The following PRKCA variants were observed in gnomAD, a reference collection of about 807,000 sequenced individuals.
PRKCA encodes protein kinase C alpha type.
In PRKCA, 27 loss-of-function variants were observed where a neutral mutation model predicts 87.0. The ratio of observed to expected loss-of-function variants is 0.31; its 90% CI spans 0.23 to 0.43. The LOEUF is 0.43. Ranked by LOEUF, PRKCA falls within the 20% of genes least tolerant of loss-of-function variation. PRKCA has a pLI of 1.00. For missense variants in PRKCA, 518 were observed against 852.3 expected (o/e 0.61, Z 4.88); for synonymous variants, 329 against 311.1 (o/e 1.06, Z -0.61).
chr17:66,451,343 A>AATTTATTC (rs1555605913), intron 2 of PRKCA, among the ~76,000 whole-genome samples: 1 of 144,872 alleles, frequency 6.9e-6, no homozygotes, highest in East Asian at 2.0e-4. Context: ...ACGGAGTTAG[A>AATTTATTC]ATTTATTTAT....
intron 2 of PRKCA, among the ~76,000 whole-genome samples, chr17:66,339,522 TC>T (rs1906909601): frequency 6.6e-6 from 1 of 152,220 alleles, no homozygotes; most frequent in Admixed American, 6.5e-5. Flanking sequence ...CCTACAGTTT[TC>T]CTAGAGTTAT....
intron 8 of PRKCA, among the ~76,000 whole-genome samples, chr17:66,729,368 C>CA (rs2144190002): frequency 6.6e-6 from 1 of 152,290 alleles, no homozygotes; most frequent in South Asian, 2.1e-4. Flanking sequence ...CGCACCACTG[C>CA]ACTCCAGCCT....
intron 13 of PRKCA, among the ~76,000 whole-genome samples, chr17:66,752,054 C>G (rs1281057107): frequency 6.6e-6 from 1 of 152,212 alleles, no homozygotes; most frequent in Non-Finnish European, 1.5e-5. Context: ...GGTAGGGACA[C>G]AGATCCAAAC....
intron 2 of PRKCA, among the ~76,000 whole-genome samples, chr17:66,457,461 G>A (rs1914621833): frequency 6.6e-6 from 1 of 152,116 alleles, no homozygotes; most frequent in African/African-American, 2.4e-5. Flanking sequence ...GATGTGAGAT[G>A]CATATAGAAC....
chr17:66,728,380 C>G (rs968011922), intron 8 of PRKCA, among the ~76,000 whole-genome samples: 16 of 152,322 alleles, frequency 1.1e-4, no homozygotes, highest in South Asian at 1.0e-3. Flanking sequence ...CTACCAGCCT[C>G]CAGAAACTCA....
chr17:66,636,369 A>T (rs928791350), intron 3 of PRKCA, among the ~76,000 whole-genome samples: 8 of 152,238 alleles, frequency 5.3e-5, no homozygotes, highest in Non-Finnish European at 1.0e-4. Flanking sequence ...TATAATTGAG[A>T]CAGTGCAAGA....
At position 66,803,528 on chromosome 17, in the gene PRKCA, T is replaced by G. The variant is rs1975949618; in HGVS notation, c.1855-345T>G. Among the ~76,000 whole-genome samples, 1 of 152,220 alleles carries G rather than the reference T, an allele frequency of 6.6e-6. No individual in the cohort carries two copies. The highest frequency in any genetic ancestry group is 1.5e-5 in the Non-Finnish European group (1 of 68,024). ...TGGCCTTTCAACACGGAGCTGTGAC[T>G]GACGGCCCTGCGTGCGTGGCTTCCG... On this transcript the variant is annotated intron_variant, in intron 16 of 16. Transcript: ENST00000413366. The surrounding 1 kb of genome is among the most constrained non-coding windows in gnomAD (Gnocchi z 4.4).
intron 2 of PRKCA, among the ~76,000 whole-genome samples, chr17:66,392,575 T>C (rs1372194117): frequency 6.6e-6 from 1 of 152,162 alleles, no homozygotes; most frequent in Non-Finnish European, 1.5e-5. Flanking sequence ...AAAAGTGCCT[T>C]TAATTTTGCT....
chr17:66,741,594 G>T, intron 11 of PRKCA, 65 bp from the exon 12 acceptor site: 1 of 1,528,892 alleles, frequency 6.5e-7, no homozygotes, highest in Non-Finnish European at 9.0e-7. Flanking sequence ...TTGAATTTGA[G>T]AATGTAAAGT....
At chr17:66,791,482 G>A (rs4791039) in intron 16 of PRKCA, among the ~76,000 whole-genome samples, 19,648 of 152,136 alleles carry the variant, frequency 0.13, 2,322 homozygotes, top group African/African-American at 0.31. Flanking sequence ...AGGGAGACCC[G>A]TAGACGCTGT....
At chr17:66,758,922 C>T (rs1974617002) in intron 13 of PRKCA, among the ~76,000 whole-genome samples, 2 of 152,028 alleles carry the variant, frequency 1.3e-5, no homozygotes, top group South Asian at 2.1e-4. Flanking sequence ...AAAATAATAA[C>T]ATATTCTAGT....
rs762617729 is a variant in PRKCA at position 66,302,844 on chromosome 17, G to GT, written c.-8_-7insT. 1 of 1,592,136 alleles carries GT rather than the reference G, an allele frequency of 6.3e-7. No individual in the cohort carries two copies. On this transcript the variant is annotated 5_prime_UTR_variant, in exon 1 of 17. Coordinates refer to ENST00000413366, the MANE Select transcript of PRKCA (RefSeq NM_002737.3). ...CCCGGCGGAGGCAAGAGGTGGTTGG[G>GT]GGGGACCATGGCTGACGTTTTCCCG...
At chr17:66,783,897 C>A (rs1368046529) in intron 14 of PRKCA, among the ~76,000 whole-genome samples, 2 of 152,200 alleles carry the variant, frequency 1.3e-5, no homozygotes, top group East Asian at 3.9e-4. Context: ...CAAGGTGCAC[C>A]CCATTTAGCC....
intron 3 of PRKCA, among the ~76,000 whole-genome samples, chr17:66,590,748 G>A (rs1415263698): frequency 6.6e-6 from 1 of 152,146 alleles, no homozygotes; most frequent in Non-Finnish European, 1.5e-5. Flanking sequence ...TACGTGGGAG[G>A]CTGAGGCAGG....
At chr17:66,388,273 T>C (rs1373606503) in intron 2 of PRKCA, among the ~76,000 whole-genome samples, 4 of 152,132 alleles carry the variant, frequency 2.6e-5, no homozygotes, top group Admixed American at 6.5e-5. Flanking sequence ...GATAGAGATA[T>C]CTGAGTCCAT....
chr17:66,485,286 G>C (rs1915946463), intron 2 of PRKCA, among the ~76,000 whole-genome samples: 1 of 152,148 alleles, frequency 6.6e-6, no homozygotes, highest in African/African-American at 2.4e-5. Flanking sequence ...ACCACATTTA[G>C]CTCTAGAGGT....
At chr17:66,516,223 C>T (rs16959447) in intron 3 of PRKCA, among the ~76,000 whole-genome samples, 21,268 of 151,960 alleles carry the variant, frequency 0.14, 1,790 homozygotes, top group East Asian at 0.3. Flanking sequence ...GCACAGGCTG[C>T]GGGTATTAAA....
intron 3 of PRKCA, among the ~76,000 whole-genome samples, chr17:66,524,746 G>A (rs987035387): frequency 2.6e-5 from 4 of 152,152 alleles, no homozygotes; most frequent in Non-Finnish European, 5.9e-5. Context: ...GGCCTGGAAG[G>A]TACGCTTGCC....
chr17:66,551,676 A>G (rs74931607), intron 3 of PRKCA, among the ~76,000 whole-genome samples: 6,540 of 152,254 alleles, frequency 0.043, 466 homozygotes, highest in African/African-American at 0.15. Flanking sequence ...AAGTACCAGG[A>G]CAGGGGACAG....
Sources: gnomAD v4.1 joint callset for allele counts (sites outside exome capture counted in the v4.1 genomes callset) on GRCh38, gnomAD v4.1.1 for gene constraint, Gnocchi (gnomAD v3.1) non-coding constraint, MANE v1.5 for transcripts, NCBI Gene and HGNC (gene_info 2026-07-23, HGNC 2026-07-21) for gene names.